BRINP1: variants seen among roughly 807,000 people sequenced by gnomAD.
BRINP1 encodes the protein BMP/retinoic acid inducible neural specific 1.
In BRINP1, 17 loss-of-function variants were observed where a neutral mutation model predicts 72.9. That is an observed-to-expected ratio of 0.23 (90% CI 0.16 to 0.35). BRINP1 has a LOEUF of 0.35. Among genes scored for constraint, BRINP1 ranks in the 10% least tolerant of loss-of-function variants. The pLI is 1.00. For missense variants in BRINP1, 850 were observed against 1,001.6 expected, an observed-to-expected ratio of 0.85 and a Z score of 2.04; for synonymous variants, 418 against 378.5, an observed-to-expected ratio of 1.10 and a Z score of -1.21.
chr9:119,268,041 A>T, intron 2 of BRINP1, among the ~76,000 whole-genome samples: 1 of 152,078 alleles, frequency 6.6e-6, no homozygotes, highest in East Asian at 1.9e-4. Flanking sequence ...TTAGGAGTTT[A>T]AGACCAGCCC....
intron 1 of BRINP1, among the ~76,000 whole-genome samples, chr9:119,354,880 G>A (rs1013825453): frequency 6.6e-6 from 1 of 151,948 alleles, no homozygotes; most frequent in African/African-American, 2.4e-5. Flanking sequence ...GAGAAAAAAC[G>A]TAAGTATAAA....
intron 3 of BRINP1, among the ~76,000 whole-genome samples, chr9:119,248,466 T>C (rs760905184): frequency 6.6e-6 from 1 of 152,168 alleles, no homozygotes; most frequent in African/African-American, 2.4e-5. Context: ...TGGGGAGGGA[T>C]GGGTAAGGCT....
intron 5 of BRINP1, among the ~76,000 whole-genome samples, chr9:119,223,366 C>G (rs1830059929): frequency 6.6e-6 from 1 of 152,008 alleles, no homozygotes; most frequent in Non-Finnish European, 1.5e-5. Flanking sequence ...ACTTGTGGAG[C>G]TCTTAGTACA....
intron 1 of BRINP1, among the ~76,000 whole-genome samples, chr9:119,330,809 C>T (rs191721006): frequency 4.2e-4 from 64 of 152,104 alleles, no homozygotes; most frequent in South Asian, 2.9e-3. Flanking sequence ...GGGGGGATCA[C>T]GACTTCAGGA....
At chr9:119,309,247 C>T (rs1361996978) in intron 2 of BRINP1, among the ~76,000 whole-genome samples, 1 of 152,170 alleles carries the variant, frequency 6.6e-6, no homozygotes, top group African/African-American at 2.4e-5. Context: ...AAAACTGAGT[C>T]TCAGAGCGGT....
At chr9:119,352,776 A>G (rs889792273) in intron 1 of BRINP1, among the ~76,000 whole-genome samples, 2 of 152,210 alleles carry the variant, frequency 1.3e-5, no homozygotes, top group African/African-American at 4.8e-5. Context: ...TTATTGTTCT[A>G]AGATTCTCTG....
chr9:119,175,576 C>T (rs1829478676), intron 7 of BRINP1, among the ~76,000 whole-genome samples: 1 of 152,120 alleles, frequency 6.6e-6, no homozygotes, highest in South Asian at 2.1e-4. Context: ...ACTCTCCATT[C>T]AGTTGATTTC....
At chr9:119,310,914 A>G (rs1033880725) in intron 2 of BRINP1, among the ~76,000 whole-genome samples, 5 of 152,168 alleles carry the variant, frequency 3.3e-5, no homozygotes, top group South Asian at 4.1e-4. Flanking sequence ...TGCTCTGATG[A>G]GCATCTGGAT....
intron 4 of BRINP1, among the ~76,000 whole-genome samples, chr9:119,239,236 G>A (rs1830222533): frequency 6.6e-6 from 1 of 152,192 alleles, no homozygotes; most frequent in Admixed American, 6.5e-5. Context: ...CATGGCATGT[G>A]TTCCATAATG....
intron 5 of BRINP1, among the ~76,000 whole-genome samples, chr9:119,230,462 A>G (rs572066908): frequency 6.6e-6 from 1 of 152,016 alleles, no homozygotes; most frequent in Non-Finnish European, 1.5e-5. Flanking sequence ...GATCTGGGGA[A>G]GGGAGAGATG....
chr9:119,331,804 C>A (rs925269700), intron 1 of BRINP1, among the ~76,000 whole-genome samples: 2 of 152,218 alleles, frequency 1.3e-5, no homozygotes, highest in Admixed American at 6.5e-5. Flanking sequence ...ATTCCACAGA[C>A]CACTTTGGTC....
chr9:119,327,791 T>A (rs1050387243), intron 1 of BRINP1, among the ~76,000 whole-genome samples: 2 of 152,044 alleles, frequency 1.3e-5, no homozygotes, highest in African/African-American at 4.8e-5. Context: ...CAATAAAGAA[T>A]AATGGAAAAG....
intron 1 of BRINP1, among the ~76,000 whole-genome samples, chr9:119,340,009 C>G (rs1345229442): frequency 6.6e-6 from 1 of 152,138 alleles, no homozygotes; most frequent in South Asian, 2.1e-4. Context: ...CAAGCTCCCC[C>G]TGTGTTTCAG....
intron 2 of BRINP1, among the ~76,000 whole-genome samples, chr9:119,255,555 C>T (rs1056789315): frequency 2.0e-5 from 3 of 152,118 alleles, no homozygotes; most frequent in Non-Finnish European, 4.4e-5. Context: ...TATAGGAATC[C>T]TCCTTCATCC....
chr9:119,355,801 AT>A (rs1391319389), intron 1 of BRINP1, among the ~76,000 whole-genome samples: 1 of 151,076 alleles, frequency 6.6e-6, no homozygotes, highest in Non-Finnish European at 1.5e-5. Context: ...TCCTAATATC[AT>A]TCTTAAGGAC....
At chr9:119,273,572 CACTT>C (rs1564235255) in intron 2 of BRINP1, among the ~76,000 whole-genome samples, 1 of 152,156 alleles carries the variant, frequency 6.6e-6, no homozygotes, top group Non-Finnish European at 1.5e-5. Context: ...AGGATCAGCT[CACTT>C]AGTCTAATTC....
chr9:119,354,173 G>A (rs758968691), intron 1 of BRINP1, among the ~76,000 whole-genome samples: 4 of 151,822 alleles, frequency 2.6e-5, no homozygotes, highest in Admixed American at 2.0e-4. Flanking sequence ...TAATATTCTG[G>A]TTTTTATGGA....
intron 1 of BRINP1, among the ~76,000 whole-genome samples, chr9:119,338,247 T>TGTTTTTGTTTC (rs779745580): frequency 2.6e-3 from 2 of 776 alleles, no homozygotes; most frequent in African/African-American, 2.6e-3. Flanking sequence ...TTTTTGTTTC[T>TGTTTTTGTTTC]TTTTTTTTTT....
At chr9:119,304,192 C>T (rs577159133) in intron 2 of BRINP1, among the ~76,000 whole-genome samples, 11 of 152,186 alleles carry the variant, frequency 7.2e-5, no homozygotes, top group African/African-American at 2.2e-4. Flanking sequence ...TAAAGGCTGT[C>T]TTATATTCTC....
Sources: gnomAD v4.1 joint callset for allele counts (sites outside exome capture counted in the v4.1 genomes callset) on GRCh38, gnomAD v4.1.1 for gene constraint, MANE v1.5 for transcripts, NCBI Gene and HGNC (gene_info 2026-07-23, HGNC 2026-07-21) for gene names.